Variants in CSMD1 observed in about 807,000 individuals in gnomAD.
CSMD1 encodes CUB and Sushi multiple domains 1.
CSMD1 carries 213 observed loss-of-function variants against 417.5 expected under a neutral mutation model. The observed-to-expected ratio is 0.51, with a 90% CI of 0.46 to 0.57. The LOEUF (loss-of-function observed/expected upper bound fraction) is 0.57, where lower values mean the gene tolerates loss of function less well. CSMD1 is among the 20% of genes least tolerant of loss of function. The pLI is 0.00. For missense variants in CSMD1, 6,923 were observed against 4,529.7 expected, an observed-to-expected ratio of 1.53 and a Z score of -15.17; for synonymous variants, 2,862 against 1,736.8, an observed-to-expected ratio of 1.65 and a Z score of -16.11.
intron 50 of CSMD1, among the ~76,000 whole-genome samples, chr8:3,038,258 G>C (rs970343680): frequency 1.3e-5 from 2 of 152,064 alleles, no homozygotes; most frequent in African/African-American, 2.4e-5. Flanking sequence ...TTGAAGTTTT[G>C]CAACTTTATT....
At chr8:3,870,839 A>T (rs1405118766) in intron 5 of CSMD1, among the ~76,000 whole-genome samples, 1 of 152,142 alleles carries the variant, frequency 6.6e-6, no homozygotes, top group Non-Finnish European at 1.5e-5. Flanking sequence ...CATCTCCAAC[A>T]TTAACACCAT....
At chr8:4,267,874 T>C (rs1388544118) in intron 3 of CSMD1, among the ~76,000 whole-genome samples, 2 of 152,142 alleles carry the variant, frequency 1.3e-5, no homozygotes, top group East Asian at 1.9e-4. Flanking sequence ...ATACTTGTGA[T>C]TAAATTTTTT....
chr8:4,463,402 C>G (rs1175102201), intron 2 of CSMD1, among the ~76,000 whole-genome samples: 1 of 152,130 alleles, frequency 6.6e-6, no homozygotes, highest in African/African-American at 2.4e-5. Context: ...GCCATATGAA[C>G]CAGCAAATCC....
chr8:4,705,589 T>G (rs971052470), intron 1 of CSMD1, among the ~76,000 whole-genome samples: 3 of 152,220 alleles, frequency 2.0e-5, no homozygotes, highest in African/African-American at 7.2e-5. Flanking sequence ...GGAGTACTTA[T>G]TGAACAGATA....
intron 27 of CSMD1, among the ~76,000 whole-genome samples, chr8:3,226,013 G>A (rs1442021544): frequency 1.3e-5 from 2 of 152,136 alleles, no homozygotes; most frequent in Non-Finnish European, 1.5e-5. Context: ...ACATACATAC[G>A]TAGCAGCTCC....
chr8:3,620,031 G>C lies in CSMD1; in HGVS notation c.1010-3234C>G, dbSNP rs550911305. Reference sequence around the variant, plus strand: ...ACAGGAGAATAGCTTGAACCTGGGAGGCAGATGTTGCAGTGAGCTGAGACT... The same window carrying C: ...ACAGGAGAATAGCTTGAACCTGGGACGCAGATGTTGCAGTGAGCTGAGACT... On this transcript the variant is annotated intron_variant, in intron 7 of 69. Coordinates refer to ENST00000635120, the MANE Select transcript of CSMD1 (RefSeq NM_033225.6). Among the ~76,000 whole-genome samples the C allele has an allele frequency of 5.3e-5, 8 of 152,264 alleles. No individual in the cohort carries two copies. The East Asian group carries it at 1.4e-3, about 26-fold the overall frequency.
rs1486926812 is a variant in CSMD1, at chr8:4,125,028, G to C, written c.416-92929C>G. Reference sequence around the variant, plus strand: ...AAATCTTGCCGCCGCACACTCTTGGGGTCCGCACGTTTCTCTAATTCAGCT... The same window carrying C: ...AAATCTTGCCGCCGCACACTCTTGGCGTCCGCACGTTTCTCTAATTCAGCT... On this transcript the variant is annotated intron_variant, in intron 3 of 69. Coordinates refer to ENST00000635120, the MANE Select transcript of CSMD1 (RefSeq NM_033225.6). 2.0e-5 allele frequency among the ~76,000 whole-genome samples: 3 copies of C among 152,090 alleles called. No individual in the cohort carries two copies. The East Asian group carries it at 5.8e-4, about 30-fold the overall frequency.
At chr8:4,858,082 C>T (rs1585221943) in intron 1 of CSMD1, among the ~76,000 whole-genome samples, 2 of 152,170 alleles carry the variant, frequency 1.3e-5, no homozygotes, top group South Asian at 4.2e-4. Context: ...AAGTGGGCTG[C>T]ATCCCTGGGA....
intron 3 of CSMD1, among the ~76,000 whole-genome samples, chr8:4,360,015 C>T (rs1449727794): frequency 2.0e-5 from 3 of 152,192 alleles, no homozygotes; most frequent in Admixed American, 2.0e-4. Context: ...TGTGGAGTTC[C>T]AGCTCTCTTC....
At chr8:4,264,898 T>C (rs919152109) in intron 3 of CSMD1, among the ~76,000 whole-genome samples, 7 of 152,222 alleles carry the variant, frequency 4.6e-5, no homozygotes, top group Non-Finnish European at 8.8e-5. Flanking sequence ...AGAAAACATG[T>C]AGGAATTGGG....
intron 1 of CSMD1, among the ~76,000 whole-genome samples, chr8:4,639,879 T>C (rs1803087030): frequency 6.6e-6 from 1 of 152,198 alleles, no homozygotes; most frequent in Admixed American, 6.5e-5. Flanking sequence ...AAGCCCATTT[T>C]CCACTAAATT....
At position 3,097,916 on chromosome 8, in the gene CSMD1, A is replaced by T. The variant is rs529963830; in HGVS notation, c.6950-879T>A. On this transcript the variant is annotated intron_variant, in intron 46 of 69. Transcript: ENST00000635120. ...ATTCCTAAGGGATGAATTAATTGTA[A>T]ATGTATCATGAAGATACTATGGATA... Among the ~76,000 whole-genome samples, 5 of 152,294 alleles carry T rather than the reference A, an allele frequency of 3.3e-5. No homozygotes were observed. In the South Asian group the frequency reaches 1.0e-3, roughly 32 times the overall value.
At chr8:4,611,411 T>C (rs956644218) in intron 2 of CSMD1, among the ~76,000 whole-genome samples, 12 of 152,236 alleles carry the variant, frequency 7.9e-5, no homozygotes, top group African/African-American at 2.9e-4. Flanking sequence ...CTTGATTGTT[T>C]AATGTTTTAA....
intron 5 of CSMD1, among the ~76,000 whole-genome samples, chr8:3,953,700 G>A (rs1224931893): frequency 1.3e-5 from 2 of 152,080 alleles, no homozygotes; most frequent in East Asian, 1.9e-4. Context: ...GGTGAGGGGT[G>A]GATAGGCACG....
chr8:3,647,742 G>C (rs116625246), intron 7 of CSMD1, among the ~76,000 whole-genome samples: 21 of 152,172 alleles, frequency 1.4e-4, no homozygotes, highest in African/African-American at 4.1e-4. Context: ...TGATTGGAGG[G>C]AGACACAGAG....
At chr8:3,831,191 G>A (rs577836301) in intron 5 of CSMD1, among the ~76,000 whole-genome samples, 73 of 152,236 alleles carry the variant, frequency 4.8e-4, no homozygotes, top group Non-Finnish European at 7.3e-4. Context: ...TTGATGAGTG[G>A]ATAGATTTTT....
At chr8:3,596,081 G>A (rs552021236) in intron 8 of CSMD1, among the ~76,000 whole-genome samples, 50 of 152,250 alleles carry the variant, frequency 3.3e-4, no homozygotes, top group African/African-American at 1.2e-3. Context: ...GAGACTCTTC[G>A]AACTCTAGAC....
chr8:3,213,125 C>G (rs2009368), intron 30 of CSMD1, among the ~76,000 whole-genome samples: 17,863 of 152,180 alleles, frequency 0.12, 1,364 homozygotes, highest in Admixed American at 0.19. Flanking sequence ...CGCGCCCAGT[C>G]TCTTATACAG....
At chr8:4,335,173 G>A (rs985612721) in intron 3 of CSMD1, among the ~76,000 whole-genome samples, 6 of 152,024 alleles carry the variant, frequency 3.9e-5, no homozygotes, top group Admixed American at 2.0e-4. Flanking sequence ...CAAGGTGCTG[G>A]GATTACAGGT....
Sources: gnomAD v4.1 joint callset for allele counts (sites outside exome capture counted in the v4.1 genomes callset) on GRCh38, gnomAD v4.1.1 for gene constraint, MANE v1.5 for transcripts, NCBI Gene and HGNC (gene_info 2026-07-23, HGNC 2026-07-21) for gene names.